DNPEP: variants seen among roughly 807,000 people sequenced by gnomAD.
The protein encoded by DNPEP is aspartyl aminopeptidase.
In DNPEP, 46 loss-of-function variants were observed where a neutral mutation model predicts 59.1. That is an observed-to-expected ratio of 0.78 (90% CI 0.61 to 0.99). The LOEUF (loss-of-function observed/expected upper bound fraction) is 0.99. DNPEP is among the 50% of genes least tolerant of loss of function. DNPEP has a pLI of 0.00. For missense variants in DNPEP, 617 were observed against 649.9 expected (o/e 0.95, Z 0.55); for synonymous variants, 229 against 242.2 (o/e 0.95, Z 0.50).
At chr2:219,375,124 T>C in intron 13 of DNPEP, 102 bp from the exon 14 acceptor site, 1 of 1,263,332 alleles carries the variant, frequency 7.9e-7, no homozygotes, top group Non-Finnish European at 1.1e-6. Flanking sequence ...GCCTGGGAGA[T>C]GGTCCATTCG....
At chr2:219,399,006 C>T (rs1241827449) in intron 1 of DNPEP, among the ~76,000 whole-genome samples, 1 of 152,226 alleles carries the variant, frequency 6.6e-6, no homozygotes, top group Admixed American at 6.5e-5. Flanking sequence ...TGTTTACTTT[C>T]AGTTCGTATT....
intron 6 of DNPEP, 84 bp from the exon 7 acceptor site, chr2:219,385,790 G>T: frequency 7.0e-7 from 1 of 1,420,168 alleles, no homozygotes; most frequent in South Asian, 1.3e-5. Flanking sequence ...CCTCCTGATG[G>T]GCAACTGCCT....
chr2:219,387,326 C>A (rs891459734), intron 1 of DNPEP, 163 bp from the exon 2 acceptor site: 2 of 1,445,398 alleles, frequency 1.4e-6, no homozygotes, highest in Admixed American at 2.9e-5. Flanking sequence ...AGGGCTGAAA[C>A]TCCGTTGAAA....
chr2:219,374,374 T>A (rs751771762), intron 14 of DNPEP, 32 bp from the exon 15 acceptor site: 2 of 1,601,050 alleles, frequency 1.2e-6, no homozygotes, highest in Non-Finnish European at 1.7e-6. Context: ...AGTTTGGAAT[T>A]AGTGAGTGAC....
intron 4 of DNPEP, 52 bp from the exon 5 acceptor site, chr2:219,386,463 A>G (rs1234568598): frequency 1.9e-6 from 3 of 1,610,768 alleles, no homozygotes; most frequent in African/African-American, 1.3e-5. Flanking sequence ...ATATGTGGAG[A>G]TGAGACTTTG....
intron 13 of DNPEP, among the ~76,000 whole-genome samples, chr2:219,380,226 T>C (rs895679551): frequency 6.7e-6 from 1 of 148,612 alleles, no homozygotes; most frequent in African/African-American, 2.5e-5. Context: ...TTTGGTTTTG[T>C]TTTTTTGGAG....
intron 1 of DNPEP, among the ~76,000 whole-genome samples, chr2:219,395,613 G>T (rs1016218058): frequency 6.6e-6 from 1 of 152,226 alleles, no homozygotes; most frequent in Admixed American, 6.5e-5. Context: ...TTCAGTAAAT[G>T]GCAACTTTGT....
At chr2:219,376,471 G>A (rs1344420935) in intron 13 of DNPEP, among the ~76,000 whole-genome samples, 2 of 145,692 alleles carry the variant, frequency 1.4e-5, no homozygotes, top group East Asian at 4.0e-4. Flanking sequence ...CTGGGCAACA[G>A]AGCGAGACCC....
Position 219,374,343 on chromosome 2 carries a change from C to T in DNPEP, c.1408-1G>A, listed in dbSNP as rs1271629522. Reference sequence around the variant, plus strand: ...GAGAAGGGAACAGCTCAAAGAAGCCCTATAATGGGAGGCAACATGGAGTTT... The same window carrying T: ...GAGAAGGGAACAGCTCAAAGAAGCCTTATAATGGGAGGCAACATGGAGTTT... On this transcript the variant is annotated splice_acceptor_variant, in intron 14 of 14. Coordinates refer to ENST00000273075, the MANE Select transcript of DNPEP (RefSeq NM_012100.4). LOFTEE classifies it high-confidence loss of function. 1 of 1,613,958 alleles carries T rather than the reference C, an allele frequency of 6.2e-7. No individual in the cohort carries two copies. Among genetic ancestry groups the T allele is most frequent in the Non-Finnish European group, 8.5e-7 (1 of 1,179,886 alleles).
Position 219,374,122 on chromosome 2 carries a change from T to A in DNPEP, c.*170A>T. ...GCCTCCTCCACCTGCTCCCCAACTTTTCTGGTTCCAAAGGTTCAAGCCAGG... is the reference window on the plus strand; with the variant it reads ...GCCTCCTCCACCTGCTCCCCAACTTATCTGGTTCCAAAGGTTCAAGCCAGG... On this transcript the variant is annotated 3_prime_UTR_variant, in exon 15 of 15. Transcript: ENST00000273075. The A allele has an allele frequency of 1.6e-6, 1 of 636,472 alleles. No individual in the cohort carries two copies. The highest frequency in any genetic ancestry group is 2.7e-6 in the Non-Finnish European group (1 of 368,044). 39.4% of individuals were successfully genotyped at this position (636,472 alleles called of 1,614,324 possible).
At chr2:219,398,627 G>A (rs1429203732) in intron 1 of DNPEP, among the ~76,000 whole-genome samples, 2 of 152,054 alleles carry the variant, frequency 1.3e-5, no homozygotes, top group Non-Finnish European at 2.9e-5. Context: ...TCCAGCCTGG[G>A]CGACAGAGCA....
intron 6 of DNPEP, 26 bp from the exon 7 acceptor site, chr2:219,385,732 G>T: frequency 6.3e-7 from 1 of 1,575,086 alleles, no homozygotes; most frequent in Non-Finnish European, 8.6e-7. Context: ...GGTTGTGGGG[G>T]GATTGCGAGG....
rs1953636019 is a variant in DNPEP, at chr2:219,382,266, C to G, written c.937-127G>C. On this transcript the variant is annotated intron_variant, in intron 10 of 14. Coordinates refer to ENST00000273075, the MANE Select transcript of DNPEP (RefSeq NM_012100.4). ...GAGTCACTGGGTGTTCTTAGCAACA[C>G]CCCTAACCTGGGGTCGTCACTGAAC... 4.7e-6 allele frequency: 5 copies of G among 1,073,562 alleles called. No individual in the cohort carries two copies. In the South Asian group the frequency reaches 6.2e-5, roughly 13 times the overall value. 66.5% of individuals were successfully genotyped at this position (1,073,562 alleles called of 1,614,324 possible).
At position 219,374,968 on chromosome 2, in the gene DNPEP, C is replaced by G; in HGVS notation, c.1294G>C (p.Ala432Pro). ...AGCACCCGCAGCCCCAGCCGAGAAG[C>G]CAAGATAGGTCCAATGGTGGTTCCA... ...PCGTTIGPIL[A>P]SRLGLRVLDL... is the part of the protein sequence containing the mutation. Residue 432 changes from alanine (A) to proline (P), a missense_variant, in exon 14 of 15, where the codon GCT (alanine) becomes CCT (proline). Coordinates refer to ENST00000273075, the MANE Select transcript of DNPEP (RefSeq NM_012100.4). The G allele has an allele frequency of 6.2e-7, 1 of 1,614,140 alleles. No individual in the cohort carries two copies. The highest frequency in any genetic ancestry group is 1.3e-5 in the African/African-American group (1 of 75,032).
At chr2:219,380,682 A>G (rs1953555411) in intron 13 of DNPEP, among the ~76,000 whole-genome samples, 1 of 152,096 alleles carries the variant, frequency 6.6e-6, no homozygotes, top group African/African-American at 2.4e-5. Flanking sequence ...TTGTGTACAT[A>G]TACTCCATGA....
At chr2:219,387,939 T>TGGGCC (rs1953925568), upstream of DNPEP, 30 of 1,344,322 alleles carry the variant, frequency 2.2e-5, no homozygotes, top group Non-Finnish European at 2.8e-5. Flanking sequence ...CGCCCCATGT[T>TGGGCC]TGGCCTCCCC....
At chr2:219,387,709 G>A (rs1368665751) in intron 1 of DNPEP, 50 bp downstream of exon 1, 6 of 1,606,184 alleles carry the variant, frequency 3.7e-6, no homozygotes, top group East Asian at 2.3e-5. Flanking sequence ...GGAGGGCGCC[G>A]GACCCGGTCT....
rs752976790 is a variant in DNPEP at position 219,386,695 on chromosome 2, G to A, written c.303C>T (p.Ile101=). The change falls in exon 4 of 15, where the codon ATC becomes ATT. Residue 101 remains isoleucine, a synonymous_variant. Transcript: ENST00000273075. ...QYVPGNGFSL[I]GAHTDSPCLR... is the part of the protein sequence containing the mutation. ...GGCAGGGGCTGTCCGTGTGGGCCCC[G>A]ATGAGGCTGAAGCCATTGCCAGGAA... The A allele has an allele frequency of 1.2e-6, 2 of 1,612,708 alleles. No homozygotes were observed. The highest frequency in any genetic ancestry group is 1.7e-6 in the Non-Finnish European group (2 of 1,179,690).
intron 13 of DNPEP, among the ~76,000 whole-genome samples, chr2:219,377,238 G>A (rs1953408420): frequency 1.7e-5 from 2 of 116,892 alleles, no homozygotes; most frequent in Non-Finnish European, 3.2e-5. Flanking sequence ...CACGCCATTA[G>A]ACTCCAGCCT....
Sources: allele counts gnomAD v4.1 joint callset (sites outside exome capture counted in the v4.1 genomes callset), GRCh38; gene constraint gnomAD v4.1.1; transcripts MANE v1.5; gene names NCBI Gene and HGNC (gene_info 2026-07-23, HGNC 2026-07-21).